CTNND2: variants seen among roughly 807,000 people sequenced by gnomAD.
The protein encoded by CTNND2 is catenin delta 2.
CTNND2 carries 22 observed loss-of-function variants against 144.4 expected under a neutral mutation model. The observed-to-expected ratio is 0.15, with a 90% CI of 0.11 to 0.22. CTNND2 has a LOEUF of 0.22. Ranked by LOEUF, CTNND2 falls within the 10% of genes least tolerant of loss-of-function variation. The pLI is 1.00. For synonymous variants in CTNND2, 751 were observed against 695.6 expected (o/e 1.08, Z -1.25); for missense variants, 1,353 against 1,618.8 (o/e 0.84, Z 2.82).
rs868553415 is a variant in CTNND2, at chr5:11,041,006, G to C, written c.2789-18027C>G. Among the ~76,000 whole-genome samples, 3 of 152,212 alleles carry C rather than the reference G, an allele frequency of 2.0e-5. No homozygotes were observed. The South Asian group carries it at 6.2e-4, about 32-fold the overall frequency. The stretch of plus-strand genomic sequence containing the variant: ...AGACAATTGTCTGTCTGAGACAGAT[G>C]AGATCAGTGTTTCTCTGAAGAAAAG... On this transcript the variant is annotated intron_variant, in intron 16 of 21. Transcript: ENST00000304623.
intron 1 of CTNND2, among the ~76,000 whole-genome samples, chr5:11,833,525 T>G (rs925877976): frequency 6.6e-6 from 1 of 152,010 alleles, no homozygotes; most frequent in African/African-American, 2.4e-5. Flanking sequence ...TGAAACTATT[T>G]TGTTTTTTTT....
At chr5:11,535,379 C>T (rs956341026) in intron 3 of CTNND2, among the ~76,000 whole-genome samples, 3 of 152,094 alleles carry the variant, frequency 2.0e-5, no homozygotes, top group Non-Finnish European at 2.9e-5. Flanking sequence ...TTATATATCA[C>T]TCTCTCTTGT....
At chr5:11,140,314 C>T (rs2149733332) in intron 12 of CTNND2, among the ~76,000 whole-genome samples, 1 of 152,238 alleles carries the variant, frequency 6.6e-6, no homozygotes, top group East Asian at 1.9e-4. Context: ...CAAGACTGTC[C>T]TCAAAGTACT....
At chr5:11,015,639 A>G (rs1741529997) in intron 18 of CTNND2, among the ~76,000 whole-genome samples, 1 of 152,218 alleles carries the variant, frequency 6.6e-6, no homozygotes, top group Non-Finnish European at 1.5e-5. Context: ...GAGCCTGGAG[A>G]GTGTCTAAAA....
At chr5:11,340,221 C>T (rs571773882) in intron 9 of CTNND2, among the ~76,000 whole-genome samples, 7 of 152,320 alleles carry the variant, frequency 4.6e-5, no homozygotes, top group African/African-American at 1.2e-4. Flanking sequence ...CCTCCTCCCG[C>T]GGTACCGCTT....
intron 10 of CTNND2, among the ~76,000 whole-genome samples, chr5:11,221,781 T>C (rs1159746392): frequency 6.6e-6 from 1 of 152,302 alleles, no homozygotes; most frequent in East Asian, 1.9e-4. Flanking sequence ...TTAGAGATTT[T>C]TACTTGGAAA....
At chr5:11,536,978 T>A (rs937746793) in intron 3 of CTNND2, among the ~76,000 whole-genome samples, 9 of 152,108 alleles carry the variant, frequency 5.9e-5, no homozygotes, top group African/African-American at 2.2e-4. Flanking sequence ...AGTATTGGTA[T>A]CTGCCTGGGG....
intron 9 of CTNND2, among the ~76,000 whole-genome samples, chr5:11,251,984 T>G (rs1743704066): frequency 6.6e-6 from 1 of 152,214 alleles, no homozygotes; most frequent in African/African-American, 2.4e-5. Flanking sequence ...AACATCAGCA[T>G]TTAGAATTGC....
At chr5:11,878,762 T>C (rs1735755370) in intron 1 of CTNND2, among the ~76,000 whole-genome samples, 1 of 152,124 alleles carries the variant, frequency 6.6e-6, no homozygotes, top group African/African-American at 2.4e-5. Flanking sequence ...GCCTCAAACC[T>C]TCCCACACCA....
chr5:11,475,171 C>A (rs1171521535), intron 3 of CTNND2, among the ~76,000 whole-genome samples: 1 of 152,164 alleles, frequency 6.6e-6, no homozygotes, highest in Non-Finnish European at 1.5e-5. Context: ...AGCCTGTGAG[C>A]TACACTGAAT....
At chr5:11,665,218 G>C (rs1008914473) in intron 2 of CTNND2, among the ~76,000 whole-genome samples, 1 of 152,146 alleles carries the variant, frequency 6.6e-6, no homozygotes, top group Non-Finnish European at 1.5e-5. Flanking sequence ...TGTATATGTG[G>C]TGAATCCGTG....
At chr5:11,688,013 T>C (rs1296439775) in intron 2 of CTNND2, among the ~76,000 whole-genome samples, 2 of 152,116 alleles carry the variant, frequency 1.3e-5, no homozygotes, top group Non-Finnish European at 2.9e-5. Flanking sequence ...GATCAATGAC[T>C]GGAACCGAAT....
At chr5:11,888,686 C>G (rs1714424682) in intron 1 of CTNND2, among the ~76,000 whole-genome samples, 1 of 151,702 alleles carries the variant, frequency 6.6e-6, no homozygotes, top group African/African-American at 2.4e-5. Flanking sequence ...ATCCTCCTAC[C>G]TACTACTTGC....
intron 16 of CTNND2, among the ~76,000 whole-genome samples, chr5:11,024,000 G>C (rs1742555580): frequency 6.6e-6 from 1 of 152,132 alleles, no homozygotes; most frequent in Admixed American, 6.5e-5. Flanking sequence ...TCCCTTTCTT[G>C]TCTCCCATCC....
chr5:11,623,800 G>A (rs1487732802), intron 2 of CTNND2, among the ~76,000 whole-genome samples: 1 of 85,670 alleles, frequency 1.2e-5, no homozygotes. Flanking sequence ...ATATATATAT[G>A]TGTGTATGTA....
At chr5:11,163,463 C>T (rs1453036595) in intron 11 of CTNND2, among the ~76,000 whole-genome samples, 1 of 152,234 alleles carries the variant, frequency 6.6e-6, no homozygotes, top group Non-Finnish European at 1.5e-5. Flanking sequence ...CACACTTAGA[C>T]AGTGGGTGAC....
chr5:11,173,432 G>A (rs1257437012), intron 11 of CTNND2, among the ~76,000 whole-genome samples: 1 of 152,228 alleles, frequency 6.6e-6, no homozygotes, highest in African/African-American at 2.4e-5. Context: ...CCTCGGAAGA[G>A]TCCCTGCATT....
In CTNND2 at chr5:11,477,188, T is replaced by C. The variant is rs1189570943; in HGVS notation, c.288-65119A>G. ...CAGGTCATGATTTATCCCACAATTA[T>C]CACGGCAATTAACTCCCATGAACTA... On this transcript the variant is annotated intron_variant, in intron 3 of 21. Transcript: ENST00000304623. 2.0e-5 allele frequency among the ~76,000 whole-genome samples: 3 copies of C among 152,340 alleles called. No individual in the cohort carries two copies. In the East Asian group the frequency reaches 5.8e-4, roughly 29 times the overall value.
chr5:11,726,743 T>C (rs1787045355), intron 2 of CTNND2, among the ~76,000 whole-genome samples: 2 of 152,174 alleles, frequency 1.3e-5, no homozygotes, highest in Non-Finnish European at 2.9e-5. Context: ...CACCCTAGTC[T>C]CTTTTTTTCC....
Sources: gnomAD v4.1 joint callset for allele counts (sites outside exome capture counted in the v4.1 genomes callset) on GRCh38, gnomAD v4.1.1 for gene constraint, MANE v1.5 for transcripts, NCBI Gene and HGNC (gene_info 2026-07-23, HGNC 2026-07-21) for gene names.